Variants in CACNA1A observed in about 807,000 individuals in gnomAD.
CACNA1A encodes the protein voltage-dependent P/Q-type calcium channel subunit alpha-1A.
In CACNA1A, 57 loss-of-function variants were observed where a neutral mutation model predicts 262.4. The ratio of observed to expected loss-of-function variants is 0.22; its 90% CI spans 0.18 to 0.27. The LOEUF (loss-of-function observed/expected upper bound fraction) is 0.27. Among genes scored for constraint, CACNA1A ranks in the 10% least tolerant of loss-of-function variants. The pLI is 1.00. For missense variants in CACNA1A, 2,526 were observed against 3,562.8 expected (o/e 0.71, Z 7.41); for synonymous variants, 1,431 against 1,419.3 (o/e 1.01, Z -0.18).
At chr19:13,444,304 G>A (rs181131487) in intron 3 of CACNA1A, among the ~76,000 whole-genome samples, 10 of 152,322 alleles carry the variant, frequency 6.6e-5, no homozygotes, top group African/African-American at 2.2e-4. Flanking sequence ...GTATTTATAG[G>A]AACTGTTGCT....
chr19:13,397,601 C>T (rs1296183264), intron 3 of CACNA1A, among the ~76,000 whole-genome samples: 1 of 151,882 alleles, frequency 6.6e-6, no homozygotes, highest in East Asian at 1.9e-4. Context: ...TGGGCGCCGC[C>T]ATGTACGCTC....
chr19:13,339,167 GT>G (rs1164474057), intron 6 of CACNA1A, among the ~76,000 whole-genome samples: 3 of 151,642 alleles, frequency 2.0e-5, no homozygotes, highest in Non-Finnish European at 2.9e-5. Flanking sequence ...CCCGGCAGAA[GT>G]TTTTTTTTAA....
At position 13,214,164 on chromosome 19, in the gene CACNA1A, T is replaced by G; in HGVS notation, c.5940+69A>C. 1 of 1,290,832 alleles carries G rather than the reference T, an allele frequency of 7.7e-7. No individual in the cohort carries two copies. Among genetic ancestry groups the G allele is most frequent in the African/African-American group, 1.5e-5 (1 of 68,526 alleles). 80.0% of individuals were successfully genotyped at this position (1,290,832 alleles called of 1,614,324 possible). A position where few individuals can be genotyped will look rare whatever the true frequency, so the allele number is the denominator to read the frequency against. On this transcript the variant is annotated intron_variant, in intron 40 of 46. Transcript: ENST00000360228. The surrounding 1 kb of genome is among the most constrained non-coding windows in gnomAD (Gnocchi z 4.1). Reference sequence around the variant, plus strand: ...GGGCTCAGCCACCCTCATATTCCAGTTGGTTCCCGTGGTGACATGCAAGCC... The same window carrying G: ...GGGCTCAGCCACCCTCATATTCCAGGTGGTTCCCGTGGTGACATGCAAGCC...
chr19:13,421,792 C>T (rs1286720727), intron 3 of CACNA1A, among the ~76,000 whole-genome samples: 2 of 152,070 alleles, frequency 1.3e-5, no homozygotes, highest in Non-Finnish European at 2.9e-5. Context: ...GTATAAGCCA[C>T]CCAGTTTAAG....
chr19:13,403,791 AC>A (rs889743338), intron 3 of CACNA1A, among the ~76,000 whole-genome samples: 11 of 151,974 alleles, frequency 7.2e-5, no homozygotes, highest in African/African-American at 2.7e-4. Flanking sequence ...AAACAAACAA[AC>A]AAAAAAAAAC....
intron 12 of CACNA1A, among the ~76,000 whole-genome samples, chr19:13,310,769 G>T (rs2145019537): frequency 6.6e-6 from 1 of 151,132 alleles, no homozygotes; most frequent in South Asian, 2.1e-4. Context: ...TACAAACAAG[G>T]TTGCTCAGGA....
At chr19:13,470,323 A>G (rs1269386221) in intron 1 of CACNA1A, among the ~76,000 whole-genome samples, 1 of 151,920 alleles carries the variant, frequency 6.6e-6, no homozygotes, top group Non-Finnish European at 1.5e-5. Context: ...CACTCAACCA[A>G]AACTCTTCCA....
At chr19:13,424,836 G>A (rs758160789) in intron 3 of CACNA1A, among the ~76,000 whole-genome samples, 7 of 151,548 alleles carry the variant, frequency 4.6e-5, no homozygotes, top group East Asian at 1.9e-4. Context: ...ACAGAGTCTC[G>A]TCCTGTCACC....
intron 3 of CACNA1A, among the ~76,000 whole-genome samples, chr19:13,441,387 C>T (rs2060716626): frequency 6.6e-6 from 1 of 152,126 alleles, no homozygotes; most frequent in Non-Finnish European, 1.5e-5. Flanking sequence ...ATTCTGTTGG[C>T]CAGGCATGGT....
At position 13,276,966 on chromosome 19, in the gene CACNA1A, C is replaced by T. The variant is rs972793363; in HGVS notation, c.3882+103G>A. On this transcript the variant is annotated intron_variant, in intron 23 of 46. Transcript: ENST00000360228. Reference sequence around the variant, plus strand: ...ATCTCAAGTGATCTGCCTGCCTCAGCCTCCCAAAGTGCTGGGATTACAGGC... The same window carrying T: ...ATCTCAAGTGATCTGCCTGCCTCAGTCTCCCAAAGTGCTGGGATTACAGGC... 4.0e-6 allele frequency: 3 copies of T among 743,798 alleles called. No homozygotes were observed. The African/African-American group carries it at 5.2e-5, about 13-fold the overall frequency. 46.1% of individuals were successfully genotyped at this position (743,798 alleles called of 1,614,324 possible).
At chr19:13,355,377 T>C (rs2058991618) in intron 6 of CACNA1A, among the ~76,000 whole-genome samples, 1 of 152,164 alleles carries the variant, frequency 6.6e-6, no homozygotes, top group African/African-American at 2.4e-5. Context: ...TGTCAGACCA[T>C]AAATTCCTGT....
chr19:13,207,713 G>C lies in CACNA1A; in HGVS notation c.7121C>G (p.Pro2374Arg). The C allele has an allele frequency of 7.3e-7, 1 of 1,362,758 alleles. No individual in the cohort carries two copies. The highest frequency in any genetic ancestry group is 9.4e-7 in the Non-Finnish European group (1 of 1,062,146). 84.4% of individuals were successfully genotyped at this position (1,362,758 alleles called of 1,614,324 possible). ...GGCCCTGGGGGACTCGCTCCGGGCCGGGCCTGGGACCCGCCTCTCCATCCT... is the reference window on the plus strand; with the variant it reads ...GGCCCTGGGGGACTCGCTCCGGGCCCGGCCTGGGACCCGCCTCTCCATCCT... Reference protein sequence around the residue: ...SPRMERRVPGPARSESPRACR... With the variant: ...SPRMERRVPGRARSESPRACR... The change falls in exon 47 of 47, where the codon CCG becomes CGG. Residue 2374 changes from proline to arginine, a missense_variant. By Grantham distance (103) the Pro-to-Arg change is moderately radical (BLOSUM62 -2). Transcript: ENST00000360228. This position sits in a 1 kb window ranked among gnomAD's most constrained non-coding sequence, Gnocchi z 5.7.
chr19:13,308,125 G>A lies in CACNA1A; in HGVS notation c.1908C>T (p.Gly636=), dbSNP rs910742290. The A allele has an allele frequency of 4.3e-6, 7 of 1,613,792 alleles. No homozygotes were observed. The highest frequency in any genetic ancestry group is 2.7e-5 in the African/African-American group (2 of 74,900). The change falls in exon 14 of 47, where the codon GGC becomes GGT. Residue 636 remains glycine (G), a synonymous_variant. Transcript: ENST00000360228. This position sits in a 1 kb window ranked among gnomAD's most constrained non-coding sequence, Gnocchi z 4.2. ...VFALLGMQLF[G]GQFNFDEGTP... ...AATTCCTGTGAAGGACTTACTGGCC[G>A]CCGAAGAGTTGCATTCCCAAAAGGG...
chr19:13,306,833 C>A (rs978674827), intron 15 of CACNA1A, among the ~76,000 whole-genome samples: 1 of 152,182 alleles, frequency 6.6e-6, no homozygotes, highest in Non-Finnish European at 1.5e-5. Flanking sequence ...TCTGCCTCAC[C>A]CATTCCGTCC....
At chr19:13,283,537 C>T in intron 21 of CACNA1A, 141 bp from the exon 22 acceptor site, 1 of 1,095,898 alleles carries the variant, frequency 9.1e-7, no homozygotes, top group Non-Finnish European at 1.3e-6. Context: ...TTAAACTCCT[C>T]CAGGTGGGGG....
chr19:13,464,661 G>C (rs908545384), intron 1 of CACNA1A, among the ~76,000 whole-genome samples: 5 of 150,044 alleles, frequency 3.3e-5, no homozygotes, highest in Non-Finnish European at 5.9e-5. Flanking sequence ...CCATTCTCCT[G>C]CCTCAGCCTC....
At chr19:13,278,956 G>T (rs1044062286) in intron 22 of CACNA1A, among the ~76,000 whole-genome samples, 8 of 152,238 alleles carry the variant, frequency 5.3e-5, no homozygotes, top group Admixed American at 3.3e-4. Context: ...TGGTGGGAGA[G>T]TATTTCAGGT....
intron 10 of CACNA1A, among the ~76,000 whole-genome samples, chr19:13,319,351 C>A (rs2058198788): frequency 1.3e-5 from 2 of 152,258 alleles, no homozygotes; most frequent in Admixed American, 1.3e-4. Flanking sequence ...TTAGCACATT[C>A]ATCATTTATC....
intron 3 of CACNA1A, among the ~76,000 whole-genome samples, chr19:13,403,873 G>A (rs1198003883): frequency 1.3e-5 from 2 of 152,136 alleles, no homozygotes; most frequent in Non-Finnish European, 2.9e-5. Context: ...TGGGAGGATA[G>A]CTTGAACCTG....
Sources: gnomAD v4.1 joint callset for allele counts (sites outside exome capture counted in the v4.1 genomes callset) on GRCh38, gnomAD v4.1.1 for gene constraint, Gnocchi (gnomAD v3.1) non-coding constraint, MANE v1.5 for transcripts, NCBI Gene and HGNC (gene_info 2026-07-23, HGNC 2026-07-21) for gene names.